Variants in CPA6 observed in about 807,000 individuals in gnomAD.
CPA6 encodes carboxypeptidase B.
Under a neutral mutation model 63.3 loss-of-function variants are expected in CPA6, and 58 were observed. The observed-to-expected ratio is 0.92, with a 90% CI of 0.74 to 1.14. CPA6 has a LOEUF of 1.14. Among genes scored for constraint, CPA6 ranks in the 50% most tolerant of loss-of-function variants. The pLI is 0.00. For missense variants in CPA6, 565 were observed against 526.6 expected, an observed-to-expected ratio of 1.07 and a Z score of -0.71; for synonymous variants, 185 against 179.0, an observed-to-expected ratio of 1.03 and a Z score of -0.27.
chr8:67,517,474 T>C (rs1206521476), intron 3 of CPA6, among the ~76,000 whole-genome samples: 2 of 152,212 alleles, frequency 1.3e-5, no homozygotes, highest in Non-Finnish European at 2.9e-5. Flanking sequence ...TCCCTGTTTC[T>C]CCAGCATCAT....
chr8:67,518,509 C>CTTTTTTTTTTTTTTTTT (rs71554610), intron 2 of CPA6, among the ~76,000 whole-genome samples: 1 of 129,882 alleles, frequency 7.7e-6, no homozygotes, highest in Non-Finnish European at 1.6e-5. Flanking sequence ...CTTTTCTTTT[C>CTTTTTTTTTTTTTTTTT]TTTTTTTTTT....
chr8:67,509,676 A>T (rs1469891636), intron 4 of CPA6, 58 bp from the exon 5 acceptor site: 1 of 847,108 alleles, frequency 1.2e-6, no homozygotes, highest in Non-Finnish European at 1.9e-6. Flanking sequence ...GAGCTTTTAG[A>T]GAACAAAAGG....
At chr8:67,441,640 C>T (rs2128953889) in intron 8 of CPA6, among the ~76,000 whole-genome samples, 1 of 152,068 alleles carries the variant, frequency 6.6e-6, no homozygotes, top group East Asian at 1.9e-4. Context: ...AACTAGTAGA[C>T]CAATGGAACA....
rs964870732 is a variant in CPA6 at position 67,554,053 on chromosome 8, G to C, written c.193-36006C>G. Among the ~76,000 whole-genome samples, 6 of 152,078 alleles carry C rather than the reference G, an allele frequency of 3.9e-5. No individual in the cohort carries two copies. The East Asian group carries it at 1.2e-3, about 29-fold the overall frequency. The stretch of plus-strand genomic sequence containing the variant: ...ATGAAAAATAAATATTTTAGTAAAG[G>C]TTCTCCAGAGAGACACAACTGATAC... On this transcript the variant is annotated intron_variant, in intron 2 of 10. Transcript: ENST00000297770.
intron 2 of CPA6, among the ~76,000 whole-genome samples, chr8:67,611,879 C>A (rs531046214): frequency 6.6e-6 from 1 of 152,222 alleles, no homozygotes; most frequent in Non-Finnish European, 1.5e-5. Context: ...AAATCTCACC[C>A]TTCTGATAGA....
intron 2 of CPA6, among the ~76,000 whole-genome samples, chr8:67,535,032 G>C (rs1389058684): frequency 6.6e-6 from 1 of 152,134 alleles, no homozygotes. Context: ...CCCTGCAAAG[G>C]ACATGAAATC....
At chr8:67,671,985 A>G (rs1463169241) in intron 1 of CPA6, among the ~76,000 whole-genome samples, 1 of 152,044 alleles carries the variant, frequency 6.6e-6, no homozygotes, top group South Asian at 2.1e-4. Flanking sequence ...GCGCACCACC[A>G]CAGCCAGCTA....
intron 1 of CPA6, among the ~76,000 whole-genome samples, chr8:67,739,308 G>A (rs770112006): frequency 7.2e-5 from 11 of 152,254 alleles, no homozygotes; most frequent in African/African-American, 2.4e-4. Context: ...TGGGTATAAC[G>A]AGCTGATAAA....
At chr8:67,516,659 A>G (rs1366492675) in intron 3 of CPA6, among the ~76,000 whole-genome samples, 1 of 152,134 alleles carries the variant, frequency 6.6e-6, no homozygotes, top group Non-Finnish European at 1.5e-5. Context: ...TGTTCTTTCT[A>G]TTGCCAGATC....
At chr8:67,432,020 G>C (rs1810038252) in intron 9 of CPA6, among the ~76,000 whole-genome samples, 1 of 152,094 alleles carries the variant, frequency 6.6e-6, no homozygotes, top group Non-Finnish European at 1.5e-5. Context: ...ATAAATACTT[G>C]GTCCTTGTCC....
chr8:67,471,347 G>A (rs1046014481), intron 8 of CPA6, among the ~76,000 whole-genome samples: 10 of 152,028 alleles, frequency 6.6e-5, no homozygotes, highest in Non-Finnish European at 1.5e-4. Context: ...CTTCATTGCT[G>A]TTTTCCCCAA....
chr8:67,581,672 T>C (rs566460911), intron 2 of CPA6, among the ~76,000 whole-genome samples: 1 of 152,288 alleles, frequency 6.6e-6, no homozygotes, highest in East Asian at 1.9e-4. Flanking sequence ...GTCTGTTCGA[T>C]GGTGATAAAA....
chr8:67,480,776 C>G (rs992311475), intron 8 of CPA6, among the ~76,000 whole-genome samples: 2 of 152,116 alleles, frequency 1.3e-5, no homozygotes, highest in Admixed American at 1.3e-4. Flanking sequence ...CAGCATTTTA[C>G]ATTCTCACCA....
rs572799212 is a variant in CPA6, at chr8:67,658,032, C to T, written c.117-33781G>A. Among the ~76,000 whole-genome samples the T allele has an allele frequency of 1.9e-3, 296 of 152,292 alleles. 1 individual carries two copies. Among genetic ancestry groups the T allele is most frequent in the Non-Finnish European group, 3.2e-3 (221 of 68,018 alleles). ...CATGCTGGTTTTTCAGCCACACTGGCGTCCTTTTCGTTTCCTTGGAGTGGT... is the reference window on the plus strand; with the variant it reads ...CATGCTGGTTTTTCAGCCACACTGGTGTCCTTTTCGTTTCCTTGGAGTGGT... On this transcript the variant is annotated intron_variant, in intron 1 of 10. Transcript: ENST00000297770.
intron 8 of CPA6, among the ~76,000 whole-genome samples, chr8:67,463,766 C>T (rs994855741): frequency 2.0e-5 from 3 of 152,160 alleles, no homozygotes; most frequent in Non-Finnish European, 4.4e-5. Flanking sequence ...TAAGTGAGAA[C>T]ATGTGGTATT....
chr8:67,668,694 C>T (rs1816282750), intron 1 of CPA6, among the ~76,000 whole-genome samples: 1 of 152,112 alleles, frequency 6.6e-6, no homozygotes, highest in African/African-American at 2.4e-5. Flanking sequence ...GGATATTCAG[C>T]CATTAAAAAG....
intron 2 of CPA6, among the ~76,000 whole-genome samples, chr8:67,573,997 T>C (rs989879271): frequency 4.0e-5 from 6 of 151,120 alleles, no homozygotes; most frequent in Admixed American, 3.3e-4. Context: ...GAATTAATAC[T>C]GTTAAAAGAT....
chr8:67,715,074 C>G (rs1334254439), intron 1 of CPA6, among the ~76,000 whole-genome samples: 1 of 152,172 alleles, frequency 6.6e-6, no homozygotes, highest in East Asian at 1.9e-4. Context: ...ATATTTCTGA[C>G]AGCAAATGTG....
intron 1 of CPA6, among the ~76,000 whole-genome samples, chr8:67,716,998 A>G (rs1259188865): frequency 6.6e-6 from 1 of 152,232 alleles, no homozygotes; most frequent in East Asian, 1.9e-4. Flanking sequence ...GTAGTAGGAT[A>G]CTGCAGCCCT....
Sources: gnomAD v4.1 joint callset for allele counts (sites outside exome capture counted in the v4.1 genomes callset) on GRCh38, gnomAD v4.1.1 for gene constraint, MANE v1.5 for transcripts, NCBI Gene and HGNC (gene_info 2026-07-23, HGNC 2026-07-21) for gene names.